BMPER: variants seen among roughly 807,000 people sequenced by gnomAD.
The protein encoded by BMPER is BMP-binding endothelial regulator protein.
In BMPER, 45 loss-of-function variants were observed where a neutral mutation model predicts 87.3. The observed-to-expected ratio is 0.52, with a 90% CI of 0.41 to 0.66. BMPER has a LOEUF of 0.66. Among genes scored for constraint, BMPER ranks in the 30% least tolerant of loss-of-function variants. BMPER has a pLI of 0.00. For synonymous variants in BMPER, 326 were observed against 316.2 expected (o/e 1.03, Z -0.33); for missense variants, 784 against 867.5 (o/e 0.90, Z 1.21).
At chr7:34,067,003 C>G (rs1490421367) in intron 11 of BMPER, among the ~76,000 whole-genome samples, 1 of 152,182 alleles carries the variant, frequency 6.6e-6, no homozygotes, top group African/African-American at 2.4e-5. Context: ...TCAGACCTAA[C>G]CATCAGAATC....
At chr7:34,001,707 C>T (rs567941593) in intron 6 of BMPER, among the ~76,000 whole-genome samples, 1 of 151,300 alleles carries the variant, frequency 6.6e-6, no homozygotes, top group East Asian at 2.0e-4. Flanking sequence ...CATTTTCTTT[C>T]TTCTGGTGAC....
chr7:33,971,307 A>C lies in BMPER; in HGVS notation c.493+888A>C, dbSNP rs1221063206. ...AGGCACCTGTCACTTTCCTCCATGC[A>C]GTCTCAAAGGCATGGTCCCTTTCAG... On this transcript the variant is annotated intron_variant, in intron 5 of 14. Transcript: ENST00000649409. Among the ~76,000 whole-genome samples the C allele has an allele frequency of 2.6e-5, 4 of 152,200 alleles. No homozygotes were observed. The East Asian group carries it at 7.8e-4, about 29-fold the overall frequency.
intron 12 of BMPER, among the ~76,000 whole-genome samples, chr7:34,081,010 A>C (rs1015016907): frequency 2.7e-5 from 4 of 150,834 alleles, no homozygotes; most frequent in African/African-American, 7.3e-5. Flanking sequence ...TTTTTTTTCT[A>C]TCTCTCTTTC....
At chr7:34,033,475 C>T (rs889658618) in intron 6 of BMPER, among the ~76,000 whole-genome samples, 6 of 152,052 alleles carry the variant, frequency 3.9e-5, no homozygotes, top group African/African-American at 1.4e-4. Flanking sequence ...TTCTGGATTT[C>T]CTGGTTAAAA....
Position 34,149,635 on chromosome 7 carries a change from C to CGA in BMPER, c.1877-3444_1877-3443dup, listed in dbSNP as rs150414578. Among the ~76,000 whole-genome samples the CGA allele has an allele frequency of 0.029, 4,427 of 151,480 alleles. 327 individuals are homozygous for CGA. In the East Asian group the frequency reaches 0.32, roughly 11 times the overall value. ...GTGCCAGGAAGTGGGTAAAGAAACC[C>CGA]GAGAGAGAGAGAGAAGGTGTCTCCA... On this transcript the variant is annotated intron_variant, in intron 14 of 14. Transcript: ENST00000649409.
chr7:34,087,080 T>C (rs1397836226), intron 13 of BMPER, among the ~76,000 whole-genome samples: 8 of 152,176 alleles, frequency 5.3e-5, no homozygotes, highest in Non-Finnish European at 1.2e-4. Flanking sequence ...ATTTGATCTT[T>C]GGACATAAAA....
intron 13 of BMPER, among the ~76,000 whole-genome samples, chr7:34,112,494 C>CA (rs1789998909): frequency 5.7e-5 from 5 of 87,760 alleles, no homozygotes; most frequent in Non-Finnish European, 8.8e-5. Context: ...GACTCCGTCT[C>CA]AGAAAAAAAA....
chr7:33,990,647 A>G (rs1786182776), intron 6 of BMPER, among the ~76,000 whole-genome samples: 1 of 151,190 alleles, frequency 6.6e-6, no homozygotes, highest in Admixed American at 6.6e-5. Context: ...AACTTCCAAA[A>G]CTATGTTGAA....
chr7:34,065,878 C>T (rs1788576234), intron 11 of BMPER, among the ~76,000 whole-genome samples: 1 of 152,230 alleles, frequency 6.6e-6, no homozygotes. Context: ...TCCAGCCCTT[C>T]TCTGAAAGGA....
rs746698074 is a variant in BMPER at position 33,905,621 on chromosome 7, G to A, written c.8G>A (p.Trp3Ter). 1.2e-6 allele frequency: 2 copies of A among 1,612,538 alleles called. No homozygotes were observed. The highest frequency in any genetic ancestry group is 1.3e-5 in the African/African-American group (1 of 74,806). The change falls in exon 1 of 15, where the codon TGG (tryptophan) becomes TAG (stop). Residue 3 changes from tryptophan (W) to a stop codon, truncating the protein, a stop_gained. Coordinates refer to ENST00000649409, the MANE Select transcript of BMPER (RefSeq NM_001365308.1). LOFTEE classifies it high-confidence loss of function. The part of the protein sequence containing the change: ML[W>*]FSGVGALAER... ...GATTCCCTCCAGGTGACGATGCTCT[G>A]GTTCTCCGGCGTCGGGGCTCTGGCT...
Position 33,989,442 on chromosome 7 carries a change from C to T in BMPER, c.576+14658C>T, listed in dbSNP as rs921127984. 3.5e-4 allele frequency among the ~76,000 whole-genome samples: 53 copies of T among 152,052 alleles called. No homozygotes were observed. The South Asian group carries it at 5.8e-3, about 17-fold the overall frequency. On this transcript the variant is annotated intron_variant, in intron 6 of 14. Transcript: ENST00000649409. ...TTGAGAAGTGTCTGTTCATGTCCTT[C>T]GCCCACTTTTTGATAGGGTTGTTTG... is the stretch of plus-strand genomic sequence containing the variant.
intron 6 of BMPER, among the ~76,000 whole-genome samples, chr7:34,012,238 T>A (rs2127941739): frequency 6.6e-6 from 1 of 151,988 alleles, no homozygotes; most frequent in South Asian, 2.1e-4. Flanking sequence ...CTATGAGGGA[T>A]TTCATGTTTA....
In BMPER at chr7:34,079,189, G is replaced by T; in HGVS notation, c.1408+3G>T. 1 of 1,613,492 alleles carries T rather than the reference G, an allele frequency of 6.2e-7. No individual in the cohort carries two copies. Among genetic ancestry groups the T allele is most frequent in the Non-Finnish European group, 8.5e-7 (1 of 1,180,026 alleles). On this transcript the variant is annotated splice_donor_region_variant and intron_variant, in intron 12 of 14. Transcript: ENST00000649409. Reference sequence around the variant, plus strand: ...CTTGAAAGTGACCACCAAAGCAGGTGGGGCGTCTGTGGCCTCCCTCTTGCT... The same window carrying T: ...CTTGAAAGTGACCACCAAAGCAGGTTGGGCGTCTGTGGCCTCCCTCTTGCT...
rs1339734392 is a variant in BMPER at position 34,079,185 on chromosome 7, A to C, written c.1407A>C (p.Ala469=). The change falls in exon 12 of 15, where the codon GCA becomes GCC. Residue 469 remains alanine (A), a splice_region_variant and synonymous_variant. Coordinates refer to ENST00000649409, the MANE Select transcript of BMPER (RefSeq NM_001365308.1). The stretch of plus-strand genomic sequence containing the variant: ...ACCTCTTGAAAGTGACCACCAAAGC[A>C]GGTGGGGCGTCTGTGGCCTCCCTCT... ...DGYLLKVTTK[A]GLEISWDGDS... 6.2e-7 allele frequency: 1 copy of C among 1,613,432 alleles called. No homozygotes were observed. The highest frequency in any genetic ancestry group is 2.2e-5 in the East Asian group (1 of 44,884).
chr7:34,088,194 C>T lies in BMPER; in HGVS notation c.1745+2102C>T, dbSNP rs867987823. Among the ~76,000 whole-genome samples, 7 of 152,154 alleles carry T rather than the reference C, an allele frequency of 4.6e-5. No homozygotes were observed. In the South Asian group the frequency reaches 1.4e-3, roughly 31 times the overall value. On this transcript the variant is annotated intron_variant, in intron 13 of 14. Coordinates refer to ENST00000649409, the MANE Select transcript of BMPER (RefSeq NM_001365308.1). ...GTGGTGGGAAGTAGGCTTGTGCTCT[C>T]CTGATCAGTGTCATTGTGTCATGGT...
intron 6 of BMPER, among the ~76,000 whole-genome samples, chr7:34,022,780 C>T (rs368792830): frequency 4.6e-5 from 7 of 150,658 alleles, no homozygotes; most frequent in East Asian, 2.0e-4. Context: ...GCTCAAGCAA[C>T]GCCTTCCTTT....
chr7:34,141,823 G>T (rs1212391060), intron 13 of BMPER, among the ~76,000 whole-genome samples: 1 of 152,072 alleles, frequency 6.6e-6, no homozygotes, highest in Non-Finnish European at 1.5e-5. Flanking sequence ...GTGTTGGGCT[G>T]CAATAACTTT....
At position 34,147,403 on chromosome 7, in the gene BMPER, C is replaced by T. The variant is rs181585072; in HGVS notation, c.1876+4043C>T. Reference sequence around the variant, plus strand: ...TAATGTTTTTATGTTTCACCTATAGCGGTTTTAATGCCCCTTTGAGAATAA... The same window carrying T: ...TAATGTTTTTATGTTTCACCTATAGTGGTTTTAATGCCCCTTTGAGAATAA... On this transcript the variant is annotated intron_variant, in intron 14 of 14. Transcript: ENST00000649409. 3.7e-3 allele frequency among the ~76,000 whole-genome samples: 562 copies of T among 152,328 alleles called. 2 individuals are homozygous for T. Among genetic ancestry groups the T allele is most frequent in the African/African-American group, 0.013 (538 of 41,574 alleles).
In BMPER at chr7:33,938,658, A is replaced by G. The variant is rs575684005; in HGVS notation, c.319+1270A>G. 3.9e-5 allele frequency among the ~76,000 whole-genome samples: 6 copies of G among 152,142 alleles called. No homozygotes were observed. The South Asian group carries it at 1.2e-3, about 32-fold the overall frequency. ...TGTCTATTGTCCTAAGCCTCAGGAA[A>G]CTCATCCACCACATTTCCATGTGAG... On this transcript the variant is annotated intron_variant, in intron 3 of 14. Transcript: ENST00000649409.
Sources: gnomAD v4.1 joint callset for allele counts (sites outside exome capture counted in the v4.1 genomes callset) on GRCh38, gnomAD v4.1.1 for gene constraint, MANE v1.5 for transcripts, NCBI Gene and HGNC (gene_info 2026-07-23, HGNC 2026-07-21) for gene names.